The following WDR45B variants were observed in gnomAD, a reference collection of about 807,000 sequenced individuals.
The protein encoded by WDR45B is WD repeat domain 45B.
In WDR45B, 20 loss-of-function variants were observed where a neutral mutation model predicts 44.6. The ratio of observed to expected loss-of-function variants is 0.45; its 90% CI spans 0.32 to 0.65. The LOEUF (loss-of-function observed/expected upper bound fraction) is 0.65, where lower values mean the gene tolerates loss of function less well. Among genes scored for constraint, WDR45B ranks in the 30% least tolerant of loss-of-function variants. The pLI, the probability that WDR45B is intolerant of heterozygous loss-of-function variation, is 0.05. For synonymous variants in WDR45B, 169 were observed against 164.9 expected (o/e 1.02, Z -0.19); for missense variants, 323 against 430.2 (o/e 0.75, Z 2.20).
chr17:82,627,936 C>A (rs771633967), intron 3 of WDR45B, among the ~76,000 whole-genome samples: 19 of 152,240 alleles, frequency 1.2e-4, no homozygotes, highest in Admixed American at 2.0e-4. Context: ...CAGAGGGACA[C>A]AAATCAGGGC....
chr17:82,624,861 G>T (rs180865457), intron 5 of WDR45B, among the ~76,000 whole-genome samples: 1 of 150,964 alleles, frequency 6.6e-6, no homozygotes, highest in Non-Finnish European at 1.5e-5. Context: ...CTTGTGATCC[G>T]CCCGCCTCGG....
chr17:82,626,892 A>G, intron 4 of WDR45B: 1 of 420,206 alleles, frequency 2.4e-6, no homozygotes, highest in Non-Finnish European at 4.4e-6. Context: ...CTCAAAACTC[A>G]TGTCCTCAGC....
chr17:82,617,565 AC>A, intron 7 of WDR45B, 168 bp from the exon 8 acceptor site: 1 of 701,786 alleles, frequency 1.4e-6, no homozygotes, highest in Non-Finnish European at 2.5e-6. Context: ...TCCCCACAGC[AC>A]CACAGGTTGA....
chr17:82,643,999 T>A lies in WDR45B; in HGVS notation c.92A>T (p.Asn31Ile), dbSNP rs1449833777. 6.2e-7 allele frequency: 1 copy of A among 1,613,960 alleles called. No individual in the cohort carries two copies. Among genetic ancestry groups the A allele is most frequent in the Non-Finnish European group, 8.5e-7 (1 of 1,179,994 alleles). The change falls in exon 2 of 10, where the codon AAT (asparagine) becomes ATT (isoleucine). Residue 31 changes from asparagine (N) to isoleucine (I), a missense_variant. Transcript: ENST00000392325. ...DHGCFACGMENGFRVYNTDPL... is the reference protein window; with the variant it reads ...DHGCFACGMEIGFRVYNTDPL... Reference sequence around the variant, plus strand: ...ATCAGTGTTATAGACTCGGAATCCATTTTCCATCCCACACGCAAAGCATCC... The same window carrying A: ...ATCAGTGTTATAGACTCGGAATCCAATTTCCATCCCACACGCAAAGCATCC...
intron 3 of WDR45B, 34 bp from the exon 4 acceptor site, chr17:82,627,325 A>G: frequency 1.3e-6 from 2 of 1,551,756 alleles, no homozygotes; most frequent in Non-Finnish European, 1.8e-6. Flanking sequence ...GAATGCAGTC[A>G]TCAGCAGGCC....
chr17:82,623,736 A>G (rs1010037218), intron 5 of WDR45B, among the ~76,000 whole-genome samples: 2 of 151,738 alleles, frequency 1.3e-5, no homozygotes, highest in Non-Finnish European at 2.9e-5. Context: ...ACATCTCATT[A>G]TAAGATAAAC....
intron 1 of WDR45B, among the ~76,000 whole-genome samples, 169 bp downstream of exon 1, chr17:82,648,105 G>A (rs1164987288): frequency 6.6e-6 from 1 of 150,704 alleles, no homozygotes; most frequent in East Asian, 2.0e-4. Context: ...CGGGCTGGGA[G>A]CAGCGGCGAG....
Position 82,626,543 on chromosome 17 carries a change from A to C in WDR45B, c.332+661T>G, listed in dbSNP as rs1338263838. Among the ~76,000 whole-genome samples, 67 of 83,404 alleles carry C rather than the reference A, an allele frequency of 8.0e-4. 3 individuals carry two copies. In the East Asian group the frequency reaches 0.021, roughly 26 times the overall value. 54.7% of individuals were successfully genotyped at this position (83,404 alleles called of 152,430 possible). The stretch of plus-strand genomic sequence containing the variant: ...CAAGACTCTATCTCCCAAAAAAAAA[A>C]AAAAAAAAAAAAAAAGGGCAGGGAG... On this transcript the variant is annotated intron_variant, in intron 4 of 9. Transcript: ENST00000392325.
intron 5 of WDR45B, among the ~76,000 whole-genome samples, chr17:82,622,736 T>G (rs1005206663): frequency 3.3e-5 from 5 of 152,068 alleles, no homozygotes; most frequent in East Asian, 1.9e-4. Flanking sequence ...TTTTTTTTTT[T>G]GTAAAGTAAG....
intron 9 of WDR45B, 121 bp from the exon 10 acceptor site, chr17:82,616,146 G>C: frequency 1.0e-6 from 1 of 975,038 alleles, no homozygotes; most frequent in Non-Finnish European, 1.6e-6. Flanking sequence ...TGAAAGCCCT[G>C]AAAGGCCCCA....
chr17:82,645,052 T>C (rs1209611355), intron 1 of WDR45B, among the ~76,000 whole-genome samples: 7 of 152,166 alleles, frequency 4.6e-5, no homozygotes, highest in Non-Finnish European at 8.8e-5. Flanking sequence ...TCCCAGCACT[T>C]TGGGAGGCCA....
At chr17:82,619,708 A>AC (rs1477770091) in intron 6 of WDR45B, among the ~76,000 whole-genome samples, 4 of 152,292 alleles carry the variant, frequency 2.6e-5, no homozygotes, top group African/African-American at 9.6e-5. Flanking sequence ...AGCTGGGAAA[A>AC]CGAGAACTGC....
intron 4 of WDR45B, 168 bp from the exon 5 acceptor site, chr17:82,625,651 A>C (rs1315477241): frequency 1.4e-6 from 1 of 691,362 alleles, no homozygotes; most frequent in Non-Finnish European, 2.5e-6. Flanking sequence ...CCAGGCCTGG[A>C]GCTCGGCGAG....
At chr17:82,627,754 G>A (rs1001556684) in intron 3 of WDR45B, among the ~76,000 whole-genome samples, 4 of 152,384 alleles carry the variant, frequency 2.6e-5, no homozygotes, top group South Asian at 4.1e-4. Context: ...CGCGCTGAGC[G>A]CGTTCATCTC....
intron 5 of WDR45B, among the ~76,000 whole-genome samples, chr17:82,624,535 C>T (rs1338958447): frequency 6.6e-6 from 1 of 152,152 alleles, no homozygotes; most frequent in Non-Finnish European, 1.5e-5. Context: ...GCTGGGATTA[C>T]AGGCGTGAGC....
In WDR45B at chr17:82,627,275, G is replaced by A; in HGVS notation, c.261C>T (p.Asp87=). 3 of 1,612,522 alleles carry A rather than the reference G, an allele frequency of 1.9e-6. No individual in the cohort carries two copies. The highest frequency in any genetic ancestry group is 2.5e-6 in the Non-Finnish European group (3 of 1,179,436). ...TTTCAATAACAGTCTTCTTCTTCAG[G>A]TCATCCCAGATCATTACTGAAATAT... is the stretch of plus-strand genomic sequence containing the variant. ...YPPNKVMIWD[D]LKKKTVIEIE... is the part of the protein sequence containing the mutation. The change falls in exon 4 of 10, where the codon GAC becomes GAT. Residue 87 remains aspartate, a synonymous_variant. Coordinates refer to ENST00000392325, the MANE Select transcript of WDR45B (RefSeq NM_019613.4).
intron 2 of WDR45B, among the ~76,000 whole-genome samples, chr17:82,636,002 A>C (rs988563425): frequency 2.6e-5 from 4 of 151,926 alleles, no homozygotes; most frequent in Non-Finnish European, 5.9e-5. Context: ...CAGGAGAATC[A>C]CTTGAACCCG....
chr17:82,615,762 G>A lies in WDR45B; in HGVS notation c.*157C>T. 2 of 688,814 alleles carry A rather than the reference G, an allele frequency of 2.9e-6. No individual in the cohort carries two copies. Among genetic ancestry groups the A allele is most frequent in the Non-Finnish European group, 5.2e-6 (2 of 385,504 alleles). 42.7% of individuals were successfully genotyped at this position (688,814 alleles called of 1,614,324 possible). ...ATTCTCTCTTTAATACTGGAAATGG[G>A]AGTCCTTAGGAAAGCAGACAACCAC... is the stretch of plus-strand genomic sequence containing the variant. On this transcript the variant is annotated 3_prime_UTR_variant, in exon 10 of 10. Coordinates refer to ENST00000392325, the MANE Select transcript of WDR45B (RefSeq NM_019613.4).
chr17:82,631,050 T>C (rs1345299089), intron 2 of WDR45B, 28 bp from the exon 3 acceptor site: 3 of 1,586,372 alleles, frequency 1.9e-6, no homozygotes, highest in African/African-American at 1.3e-5. Context: ...AAAAGACCAA[T>C]GTTACAAGTT....
Sources: allele counts gnomAD v4.1 joint callset (sites outside exome capture counted in the v4.1 genomes callset), GRCh38; gene constraint gnomAD v4.1.1; transcripts MANE v1.5; gene names NCBI Gene and HGNC (gene_info 2026-07-23, HGNC 2026-07-21).